Variants in AP1B1 observed in about 807,000 individuals in gnomAD.
AP1B1 encodes the protein adaptor related protein complex 1 subunit beta 1.
In AP1B1, 36 loss-of-function variants were observed where a neutral mutation model predicts 104.3. That is an observed-to-expected ratio of 0.35 (90% CI 0.26 to 0.46). The LOEUF (loss-of-function observed/expected upper bound fraction) is 0.46, where lower values mean the gene tolerates loss of function less well. Among genes scored for constraint, AP1B1 ranks in the 20% least tolerant of loss-of-function variants. The pLI is 1.00. For missense variants in AP1B1, 901 were observed against 1,247.9 expected, an observed-to-expected ratio of 0.72 and a Z score of 4.19; for synonymous variants, 504 against 517.5, an observed-to-expected ratio of 0.97 and a Z score of 0.35.
At chr22:29,355,940 T>TG (rs1261214129) in intron 6 of AP1B1, among the ~76,000 whole-genome samples, 4 of 151,936 alleles carry the variant, frequency 2.6e-5, no homozygotes, top group Non-Finnish European at 4.4e-5. Context: ...TCCTCCGACT[T>TG]GGAGGGTATC....
At chr22:29,357,673 C>A (rs983990124) in intron 5 of AP1B1, among the ~76,000 whole-genome samples, 1 of 147,764 alleles carries the variant, frequency 6.8e-6, no homozygotes, top group African/African-American at 2.5e-5. Context: ...CCACTGCGCG[C>A]GGCCTCAGGC....
intron 3 of AP1B1, among the ~76,000 whole-genome samples, chr22:29,361,218 C>T (rs1185679070): frequency 6.6e-6 from 1 of 152,236 alleles, no homozygotes; most frequent in Non-Finnish European, 1.5e-5. Context: ...CCTTTCTGCT[C>T]TGGCTTCCAA....
chr22:29,329,215 C>A lies in AP1B1; in HGVS notation c.2776-320G>T, dbSNP rs1013662179. 6.5e-6 allele frequency: 8 copies of A among 1,222,056 alleles called. No homozygotes were observed. The South Asian group carries it at 1.5e-4, about 23-fold the overall frequency. The allele number at this position is 1,222,056 out of a possible 1,614,324, so 75.7% of individuals were successfully genotyped here. On this transcript the variant is annotated intron_variant, in intron 22 of 22. Transcript: ENST00000357586. ...CCCACCCTGAGGGCTGCCCGGCCCC[C>A]CAGAGTCCCTGAAGGTCTGGGGTCC... is the stretch of plus-strand genomic sequence containing the variant.
At chr22:29,374,641 A>T (rs2062304474) in intron 1 of AP1B1, among the ~76,000 whole-genome samples, 1 of 152,234 alleles carries the variant, frequency 6.6e-6, no homozygotes, top group African/African-American at 2.4e-5. Context: ...TGGAGCTGAC[A>T]TAGGTAAATA....
intron 11 of AP1B1, among the ~76,000 whole-genome samples, chr22:29,348,017 T>C (rs1427527688): frequency 6.6e-6 from 1 of 152,218 alleles, no homozygotes; most frequent in Non-Finnish European, 1.5e-5. Context: ...CAGGTGTTGG[T>C]AACAGAAAAA....
At chr22:29,356,756 G>C in intron 5 of AP1B1, 140 bp from the exon 6 acceptor site, 1 of 765,892 alleles carries the variant, frequency 1.3e-6, no homozygotes, top group Non-Finnish European at 2.1e-6. Context: ...GAGCTGCAAC[G>C]AGACCCACTC....
chr22:29,363,796 C>T (rs1292405217), intron 2 of AP1B1, among the ~76,000 whole-genome samples: 2 of 151,944 alleles, frequency 1.3e-5, no homozygotes, highest in East Asian at 3.9e-4. Context: ...ACTCTGGAGG[C>T]TGAGGCTGAA....
intron 21 of AP1B1, chr22:29,330,069 AG>A: frequency 7.1e-7 from 1 of 1,412,064 alleles, no homozygotes; most frequent in Non-Finnish European, 9.2e-7. Context: ...GGACAGGGCC[AG>A]GGCCTGTGCC....
intron 11 of AP1B1, among the ~76,000 whole-genome samples, chr22:29,348,778 G>A (rs1013539785): frequency 6.6e-6 from 1 of 152,194 alleles, no homozygotes; most frequent in Non-Finnish European, 1.5e-5. Context: ...ATGGGTGCAT[G>A]TGTGTGTATC....
At chr22:29,351,353 C>A in intron 8 of AP1B1, 87 bp from the exon 9 acceptor site, 2 of 1,398,042 alleles carry the variant, frequency 1.4e-6, no homozygotes, top group Non-Finnish European at 2.0e-6. Flanking sequence ...TACACAGACT[C>A]CCTAGGAGAA....
chr22:29,329,285 C>T, intron 22 of AP1B1: 1 of 1,159,916 alleles, frequency 8.6e-7, no homozygotes, highest in South Asian at 2.4e-5. Context: ...GTGCGGAGGG[C>T]TGGGAGGGAG....
In AP1B1 at chr22:29,328,801, G is replaced by T. The variant is rs1345418100; in HGVS notation, c.*20C>A. On this transcript the variant is annotated 3_prime_UTR_variant, in exon 23 of 23. Coordinates refer to ENST00000357586, the MANE Select transcript of AP1B1 (RefSeq NM_001127.4). This position sits in a 1 kb window ranked among gnomAD's most constrained non-coding sequence, Gnocchi z 4.1. Reference sequence around the variant, plus strand: ...CTCGATGGGGCGGGCAGAAGGCTGGGGTGGGCGCTGGCCGGGGTCTCAGTT... The same window carrying T: ...CTCGATGGGGCGGGCAGAAGGCTGGTGTGGGCGCTGGCCGGGGTCTCAGTT... 6.3e-7 allele frequency: 1 copy of T among 1,598,326 alleles called. No individual in the cohort carries two copies. The highest frequency in any genetic ancestry group is 8.5e-7 in the Non-Finnish European group (1 of 1,175,310).
At chr22:29,359,768 G>T (rs548920439) in intron 4 of AP1B1, 56 bp downstream of exon 4, 2 of 1,570,826 alleles carry the variant, frequency 1.3e-6, no homozygotes, top group South Asian at 2.4e-5. Flanking sequence ...AAGAGACTGA[G>T]GGGAGACAGA....
intron 2 of AP1B1, among the ~76,000 whole-genome samples, chr22:29,366,881 C>CACACACA (rs2062150059): frequency 7.1e-6 from 1 of 140,414 alleles, no homozygotes; most frequent in South Asian, 2.3e-4. Context: ...CACACACACA[C>CACACACA]AACTGCTGTG....
intron 1 of AP1B1, among the ~76,000 whole-genome samples, chr22:29,376,555 C>A (rs1183514482): frequency 1.3e-5 from 2 of 152,188 alleles, no homozygotes; most frequent in African/African-American, 4.8e-5. Flanking sequence ...GGTACTGGAA[C>A]TGCCACTGTT....
At chr22:29,370,910 G>GT in intron 1 of AP1B1, among the ~76,000 whole-genome samples, 1 of 152,228 alleles carries the variant, frequency 6.6e-6, no homozygotes, top group East Asian at 1.9e-4. Context: ...TTTTTCCGCA[G>GT]TATCTGTTTC....
intron 15 of AP1B1, 126 bp from the exon 16 acceptor site, chr22:29,339,259 C>T: frequency 9.2e-7 from 1 of 1,091,534 alleles, no homozygotes; most frequent in Middle Eastern, 3.0e-4. Context: ...GCCTCCATAT[C>T]AACTCTAAAT....
intron 6 of AP1B1, among the ~76,000 whole-genome samples, chr22:29,355,772 T>A (rs1056176626): frequency 6.6e-6 from 1 of 151,188 alleles, no homozygotes; most frequent in Non-Finnish European, 1.5e-5. Context: ...GGCATGCAGA[T>A]GTCTGTAGTC....
chr22:29,330,712 G>A lies in AP1B1; in HGVS notation c.2525-3C>T, dbSNP rs905260689. ...TGTGGCCAGGAACATCTGCCGGTCT[G>A]CGGGGTGAGCAGGGTGGGGATGAGA... On this transcript the variant is annotated splice_polypyrimidine_tract_variant and splice_region_variant and intron_variant, in intron 19 of 22. Transcript: ENST00000357586. The A allele has an allele frequency of 1.9e-6, 3 of 1,610,870 alleles. No homozygotes were observed. Among genetic ancestry groups the A allele is most frequent in the Non-Finnish European group, 2.5e-6 (3 of 1,179,302 alleles).
Sources: gnomAD v4.1 joint callset for allele counts (sites outside exome capture counted in the v4.1 genomes callset) on GRCh38, gnomAD v4.1.1 for gene constraint, Gnocchi (gnomAD v3.1) non-coding constraint, MANE v1.5 for transcripts, NCBI Gene and HGNC (gene_info 2026-07-23, HGNC 2026-07-21) for gene names.